The following CSMD1 variants were observed in gnomAD, a reference collection of about 807,000 sequenced individuals.
CSMD1 encodes CUB and sushi domain-containing protein 1.
A neutral mutation model predicts 417.5 loss-of-function variants in CSMD1; 213 were observed. The observed-to-expected ratio is 0.51, with a 90% CI of 0.46 to 0.57. The LOEUF is 0.57. CSMD1 is among the 20% of genes least tolerant of loss of function. The pLI, the probability that CSMD1 is intolerant of heterozygous loss-of-function variation, is 0.00. For synonymous variants in CSMD1, 2,862 were observed against 1,736.8 expected, an observed-to-expected ratio of 1.65 and a Z score of -16.11; for missense variants, 6,923 against 4,529.7, an observed-to-expected ratio of 1.53 and a Z score of -15.17.
chr8:4,915,325 A>G (rs1429484301), intron 1 of CSMD1, among the ~76,000 whole-genome samples: 2 of 152,174 alleles, frequency 1.3e-5, no homozygotes, highest in Non-Finnish European at 2.9e-5. Flanking sequence ...ATTTATTGCA[A>G]TGGTAAAAAG....
At chr8:4,417,257 A>G (rs1796995006) in intron 3 of CSMD1, among the ~76,000 whole-genome samples, 1 of 152,026 alleles carries the variant, frequency 6.6e-6, no homozygotes, top group South Asian at 2.1e-4. Flanking sequence ...CGTTGATTAC[A>G]CTATTTTAAT....
intron 2 of CSMD1, among the ~76,000 whole-genome samples, chr8:4,499,861 A>C (rs1003690504): frequency 6.6e-6 from 1 of 152,218 alleles, no homozygotes; most frequent in African/African-American, 2.4e-5. Flanking sequence ...TAAATGGAAA[A>C]TATCAAGGGA....
intron 3 of CSMD1, among the ~76,000 whole-genome samples, chr8:4,291,319 G>A (rs988822645): frequency 1.3e-5 from 2 of 152,048 alleles, no homozygotes; most frequent in African/African-American, 2.4e-5. Context: ...TAGGGATAAT[G>A]ATCATAATAC....
chr8:3,662,532 T>G (rs750096119), intron 7 of CSMD1, among the ~76,000 whole-genome samples: 1 of 152,214 alleles, frequency 6.6e-6, no homozygotes, highest in African/African-American at 2.4e-5. Flanking sequence ...TAGAATGACT[T>G]AAAATCCTTT....
chr8:3,503,507 C>G (rs1345954433), intron 10 of CSMD1, among the ~76,000 whole-genome samples: 1 of 152,228 alleles, frequency 6.6e-6, no homozygotes, highest in Non-Finnish European at 1.5e-5. Flanking sequence ...AGCCAAGAAA[C>G]TTGGTATTTC....
chr8:3,653,951 T>A (rs1797981786), intron 7 of CSMD1, among the ~76,000 whole-genome samples: 2 of 152,228 alleles, frequency 1.3e-5, no homozygotes, highest in South Asian at 4.1e-4. Flanking sequence ...ATTTCACCCA[T>A]GACAGCCTAC....
chr8:3,153,732 T>G (rs1467717637), intron 39 of CSMD1, among the ~76,000 whole-genome samples: 4 of 152,168 alleles, frequency 2.6e-5, no homozygotes, highest in Non-Finnish European at 5.9e-5. Context: ...GACAGCATCA[T>G]CAACACGGAT....
At chr8:2,984,223 T>G (rs985833310) in intron 54 of CSMD1, among the ~76,000 whole-genome samples, 7 of 152,318 alleles carry the variant, frequency 4.6e-5, no homozygotes, top group Admixed American at 1.3e-4. Context: ...GTCTGTCAAA[T>G]TCTGCTCACT....
At chr8:4,812,191 T>C (rs1798946623) in intron 1 of CSMD1, among the ~76,000 whole-genome samples, 1 of 152,184 alleles carries the variant, frequency 6.6e-6, no homozygotes, top group African/African-American at 2.4e-5. Flanking sequence ...AACACAGCTG[T>C]CTGTTCACTG....
At chr8:4,461,764 G>T (rs1179111595) in intron 2 of CSMD1, among the ~76,000 whole-genome samples, 4 of 132,676 alleles carry the variant, frequency 3.0e-5, no homozygotes, top group African/African-American at 8.6e-5. Context: ...TTTTGGAGAT[G>T]GAGTCTCGCT....
chr8:4,953,508 G>A (rs746590970), intron 1 of CSMD1, among the ~76,000 whole-genome samples: 5 of 152,048 alleles, frequency 3.3e-5, no homozygotes, highest in Non-Finnish European at 7.4e-5. Flanking sequence ...GTCCACGGTG[G>A]CAAGTTATGT....
intron 3 of CSMD1, among the ~76,000 whole-genome samples, chr8:4,207,970 T>G (rs956517440): frequency 6.6e-6 from 1 of 152,164 alleles, no homozygotes; most frequent in African/African-American, 2.4e-5. Context: ...CAATATTCAT[T>G]ATAGCATGAA....
chr8:3,685,861 A>G (rs976519053), intron 7 of CSMD1, among the ~76,000 whole-genome samples: 4 of 152,180 alleles, frequency 2.6e-5, no homozygotes, highest in African/African-American at 4.8e-5. Context: ...ATCATGGAGA[A>G]TGGGGTATCC....
At chr8:3,145,741 T>C (rs1282599799) in intron 40 of CSMD1, among the ~76,000 whole-genome samples, 1 of 152,222 alleles carries the variant, frequency 6.6e-6, no homozygotes, top group Non-Finnish European at 1.5e-5. Context: ...AAAATAAGCA[T>C]AACCTGGTTA....
intron 5 of CSMD1, among the ~76,000 whole-genome samples, chr8:3,955,550 G>GA (rs1463014376): frequency 3.9e-5 from 6 of 152,150 alleles, no homozygotes; most frequent in East Asian, 1.9e-4. Flanking sequence ...TTTGGCGTCT[G>GA]AAAAAATGTT....
At chr8:3,926,051 T>TATACACACACACTCACACAAACACC (rs1809654434) in intron 5 of CSMD1, among the ~76,000 whole-genome samples, 2 of 76,614 alleles carry the variant, frequency 2.6e-5, no homozygotes, top group African/African-American at 7.6e-5. Flanking sequence ...ACAAACACCA[T>TATACACACACACTCACACAAACACC]ATACACACAC....
At chr8:3,034,946 C>T (rs1269190701) in intron 50 of CSMD1, among the ~76,000 whole-genome samples, 1 of 152,072 alleles carries the variant, frequency 6.6e-6, no homozygotes, top group Non-Finnish European at 1.5e-5. Flanking sequence ...GAAGGAGGGC[C>T]TCGGAAACGG....
At chr8:3,307,476 C>T (rs150630261) in intron 25 of CSMD1, among the ~76,000 whole-genome samples, 2 of 152,266 alleles carry the variant, frequency 1.3e-5, no homozygotes, top group Non-Finnish European at 2.9e-5. Flanking sequence ...CTAACTGATA[C>T]ACTCTCATTT....
intron 9 of CSMD1, among the ~76,000 whole-genome samples, chr8:3,583,058 C>T (rs186297802): frequency 1.3e-5 from 2 of 152,254 alleles, no homozygotes; most frequent in East Asian, 3.9e-4. Flanking sequence ...TACAGAGCAA[C>T]TCCTGCCTGT....
Sources: gnomAD v4.1 joint callset for allele counts (sites outside exome capture counted in the v4.1 genomes callset) on GRCh38, gnomAD v4.1.1 for gene constraint, MANE v1.5 for transcripts, NCBI Gene and HGNC (gene_info 2026-07-23, HGNC 2026-07-21) for gene names.